The following NFAM1 variants were observed in gnomAD, a reference collection of about 807,000 sequenced individuals.
The protein encoded by NFAM1 is NFAT activation molecule 1.
Under a neutral mutation model 29.0 loss-of-function variants are expected in NFAM1, and 17 were observed. The ratio of observed to expected loss-of-function variants is 0.59; its 90% CI spans 0.40 to 0.88. NFAM1 has a LOEUF of 0.88. Among genes scored for constraint, NFAM1 ranks in the 40% least tolerant of loss-of-function variants. The probability of loss-of-function intolerance (pLI) is 0.00; values close to 1 mark genes in which losing one functional copy is unlikely to be tolerated. For missense variants in NFAM1, 324 were observed against 344.6 expected, an observed-to-expected ratio of 0.94 and a Z score of 0.47; for synonymous variants, 175 against 147.2, an observed-to-expected ratio of 1.19 and a Z score of -1.36.
chr22:42,415,475 A>AT (rs1345620506), intron 1 of NFAM1, among the ~76,000 whole-genome samples: 1 of 151,448 alleles, frequency 6.6e-6, no homozygotes, highest in East Asian at 1.9e-4. Flanking sequence ...AATTTTTTGT[A>AT]TTTTTAGTAG....
At chr22:42,429,829 G>A (rs985306984) in intron 1 of NFAM1, among the ~76,000 whole-genome samples, 1 of 152,210 alleles carries the variant, frequency 6.6e-6, no homozygotes, top group Admixed American at 6.5e-5. Flanking sequence ...TAAGGCTGAT[G>A]GTTACGGTCA....
At chr22:42,429,343 C>T (rs771605183) in intron 1 of NFAM1, among the ~76,000 whole-genome samples, 4 of 152,292 alleles carry the variant, frequency 2.6e-5, no homozygotes, top group Admixed American at 6.5e-5. Flanking sequence ...GGGCCGGGTG[C>T]GGTGGCTCAC....
chr22:42,425,112 G>T (rs948354824), intron 1 of NFAM1, among the ~76,000 whole-genome samples: 5 of 151,920 alleles, frequency 3.3e-5, no homozygotes, highest in Non-Finnish European at 7.4e-5. Context: ...TGGTGAAGAA[G>T]GGGTTTCACC....
upstream of NFAM1, among the ~76,000 whole-genome samples, chr22:42,434,154 G>A (rs1216126377): frequency 6.6e-6 from 1 of 152,114 alleles, no homozygotes; most frequent in Non-Finnish European, 1.5e-5. Flanking sequence ...TCTGAGTCTG[G>A]GTCTAGCCTG....
chr22:42,393,743 G>A (rs1172005056), intron 4 of NFAM1, among the ~76,000 whole-genome samples: 1 of 151,640 alleles, frequency 6.6e-6, no homozygotes, highest in African/African-American at 2.4e-5. Flanking sequence ...TAATTAGTAA[G>A]GATCAATTGT....
At chr22:42,395,412 G>A (rs1929487249) in intron 4 of NFAM1, among the ~76,000 whole-genome samples, 1 of 151,832 alleles carries the variant, frequency 6.6e-6, no homozygotes, top group Non-Finnish European at 1.5e-5. Flanking sequence ...GGAGACAGAG[G>A]TTGAAGTGAG....
rs374427908 is a variant in NFAM1 at position 42,385,251 on chromosome 22, A to C, written c.754-31T>G. 2.8e-6 allele frequency: 4 copies of C among 1,409,556 alleles called. No homozygotes were observed. The African/African-American group carries it at 5.6e-5, about 20-fold the overall frequency. 87.3% of individuals were successfully genotyped at this position (1,409,556 alleles called of 1,614,324 possible). ...TAGAAAAGAAGAAAGGGAGGGAAGGAGAGAAAGAGAGAGAATGACCATTAA... is the reference window on the plus strand; with the variant it reads ...TAGAAAAGAAGAAAGGGAGGGAAGGCGAGAAAGAGAGAGAATGACCATTAA... On this transcript the variant is annotated intron_variant, in intron 5 of 5. Coordinates refer to ENST00000329021, the MANE Select transcript of NFAM1 (RefSeq NM_145912.8).
Position 42,420,018 on chromosome 22 carries a change from T to G in NFAM1, c.122-8282A>C, listed in dbSNP as rs544568505. On this transcript the variant is annotated intron_variant, in intron 1 of 5. Coordinates refer to ENST00000329021, the MANE Select transcript of NFAM1 (RefSeq NM_145912.8). ...TTTTTTTTTTTTTTTTTTTTTTTTT[T>G]TTTTTTTTCTGAGGCAGAATTTTGC... is the stretch of plus-strand genomic sequence containing the variant. Among the ~76,000 whole-genome samples, 1,006 of 130,454 alleles carry G rather than the reference T, an allele frequency of 7.7e-3. 33 individuals carry two copies. The highest frequency in any genetic ancestry group is 0.022 in the Middle Eastern group (6 of 272). The allele number at this position is 130,454 out of a possible 152,430, so 85.6% of individuals were successfully genotyped here.
chr22:42,422,201 G>C lies in NFAM1; in HGVS notation c.121+10036C>G, dbSNP rs561666053. On this transcript the variant is annotated intron_variant, in intron 1 of 5. Coordinates refer to ENST00000329021, the MANE Select transcript of NFAM1 (RefSeq NM_145912.8). ...CTAGACCCCCGAACCAGGGTGTACG[G>C]TGGCCGCTCGGGGACACAAACCAAG... Among the ~76,000 whole-genome samples the C allele has an allele frequency of 1.1e-4, 17 of 152,300 alleles. 1 individual carries two copies. The South Asian group carries it at 3.1e-3, about 28-fold the overall frequency.
At chr22:42,411,193 T>G (rs2147108432) in intron 2 of NFAM1, among the ~76,000 whole-genome samples, 1 of 152,040 alleles carries the variant, frequency 6.6e-6, no homozygotes, top group South Asian at 2.1e-4. Context: ...CCAGCTAATT[T>G]TTGTGTTTTT....
chr22:42,417,450 A>T (rs989086881), intron 1 of NFAM1, among the ~76,000 whole-genome samples: 3 of 152,196 alleles, frequency 2.0e-5, no homozygotes, highest in Non-Finnish European at 4.4e-5. Flanking sequence ...CCTGGGGCGC[A>T]GGGAGGAAAC....
rs1375487718 is a variant in NFAM1 at position 42,383,684 on chromosome 22, G to A, written c.*1477C>T. On this transcript the variant is annotated 3_prime_UTR_variant, in exon 6 of 6. Coordinates refer to ENST00000329021, the MANE Select transcript of NFAM1 (RefSeq NM_145912.8). ...AGGGGCATGACCTGCAGAACCAAAG[G>A]TGCTTCTGTGAGCCAGTAGCCCAGT... 1 of 152,746 alleles carries A rather than the reference G, an allele frequency of 6.5e-6. No homozygotes were observed. The highest frequency in any genetic ancestry group is 1.5e-5 in the Non-Finnish European group (1 of 68,122). The allele number at this position is 152,746 out of a possible 1,614,324, so 9.5% of individuals were successfully genotyped here. A position where few individuals can be genotyped will look rare whatever the true frequency, so the allele number is the denominator to read the frequency against.
Position 42,409,382 on chromosome 22 carries a change from CCGGTGGCGTGT to C in NFAM1, c.564+42_564+52del. The stretch of plus-strand genomic sequence containing the variant: ...CGCCCTGCAGAGGGCAGGCGGGCAG[CCGGTGGCGTGT>C]CGGGTGGAGGGGCTGCATGGCTGTG... On this transcript the variant is annotated intron_variant, in intron 3 of 5. Coordinates refer to ENST00000329021, the MANE Select transcript of NFAM1 (RefSeq NM_145912.8). The surrounding 1 kb of genome is among the most constrained non-coding windows in gnomAD (Gnocchi z 4.9). 1 of 1,012,814 alleles carries C rather than the reference CCGGTGGCGTGT, an allele frequency of 9.9e-7. No homozygotes were observed. The highest frequency in any genetic ancestry group is 1.7e-5 in the African/African-American group (1 of 60,020). 62.7% of individuals were successfully genotyped at this position (1,012,814 alleles called of 1,614,324 possible). A position where few individuals can be genotyped will look rare whatever the true frequency, so the allele number is the denominator to read the frequency against.
intron 1 of NFAM1, among the ~76,000 whole-genome samples, chr22:42,432,032 C>G (rs537703088): frequency 6.6e-6 from 1 of 152,206 alleles, no homozygotes; most frequent in Non-Finnish European, 1.5e-5. Flanking sequence ...CTGTCCCCCT[C>G]CCCTTCAAAA....
Position 42,387,093 on chromosome 22 carries a change from G to T in NFAM1, c.664-15C>A. 6.5e-7 allele frequency: 1 copy of T among 1,526,744 alleles called. No individual in the cohort carries two copies. The highest frequency in any genetic ancestry group is 8.9e-7 in the Non-Finnish European group (1 of 1,119,472). The allele number at this position is 1,526,744 out of a possible 1,614,324, so 94.6% of individuals were successfully genotyped here. On this transcript the variant is annotated splice_polypyrimidine_tract_variant and intron_variant, in intron 4 of 5. Transcript: ENST00000329021. Reference sequence around the variant, plus strand: ...CGCTGCAGAGCCTACAGGAAACGGGGTGCCAGGATCAGGGGCAAGTGTGTA... The same window carrying T: ...CGCTGCAGAGCCTACAGGAAACGGGTTGCCAGGATCAGGGGCAAGTGTGTA...
Position 42,397,848 on chromosome 22 carries a change from C to A in NFAM1, c.663+10G>T. The A allele has an allele frequency of 2.5e-6, 4 of 1,579,856 alleles. No individual in the cohort carries two copies. Among genetic ancestry groups the A allele is most frequent in the South Asian group, 2.2e-5 (2 of 90,470 alleles). Reference sequence around the variant, plus strand: ...AAGAGGTGGAGGGAGCCGGGGGCCCCGGGACTCACTGTGTAGACAGATTCT... The same window carrying A: ...AAGAGGTGGAGGGAGCCGGGGGCCCAGGGACTCACTGTGTAGACAGATTCT... On this transcript the variant is annotated intron_variant, in intron 4 of 5. Transcript: ENST00000329021.
At chr22:42,387,127 G>T in intron 4 of NFAM1, 49 bp from the exon 5 acceptor site, 1 of 1,103,274 alleles carries the variant, frequency 9.1e-7, no homozygotes, top group Non-Finnish European at 1.3e-6. Context: ...TAGAGGGGCA[G>T]TCCCTGGCCC....
chr22:42,428,985 C>T (rs1277125057), intron 1 of NFAM1, among the ~76,000 whole-genome samples: 1 of 152,192 alleles, frequency 6.6e-6, no homozygotes, highest in Non-Finnish European at 1.5e-5. Flanking sequence ...CCACCAGTGG[C>T]TGCCTTTGAG....
chr22:42,418,776 T>G lies in NFAM1; in HGVS notation c.122-7040A>C, dbSNP rs1370014750. 2.6e-5 allele frequency among the ~76,000 whole-genome samples: 4 copies of G among 152,000 alleles called. No individual in the cohort carries two copies. The East Asian group carries it at 7.8e-4, about 29-fold the overall frequency. On this transcript the variant is annotated intron_variant, in intron 1 of 5. Transcript: ENST00000329021. ...CCCTCAGTGCAGGGCACATAGGCCC[T>G]GATGGTCCAGGCACAGAAGGACCCC...
Sources: gnomAD v4.1 joint callset for allele counts (sites outside exome capture counted in the v4.1 genomes callset) on GRCh38, gnomAD v4.1.1 for gene constraint, Gnocchi (gnomAD v3.1) non-coding constraint, MANE v1.5 for transcripts, NCBI Gene and HGNC (gene_info 2026-07-23, HGNC 2026-07-21) for gene names.